Variants in CILK1 observed in about 807,000 individuals in gnomAD.
CILK1 encodes ciliogenesis associated kinase 1.
A neutral mutation model predicts 79.2 loss-of-function variants in CILK1; 47 were observed. That is an observed-to-expected ratio of 0.59 (90% CI 0.47 to 0.76). The LOEUF (loss-of-function observed/expected upper bound fraction) is 0.76. Among genes scored for constraint, CILK1 ranks in the 30% least tolerant of loss-of-function variants. The pLI, the probability that CILK1 is intolerant of heterozygous loss-of-function variation, is 0.00. For synonymous variants in CILK1, 266 were observed against 275.9 expected, an observed-to-expected ratio of 0.96 and a Z score of 0.36; for missense variants, 660 against 769.5, an observed-to-expected ratio of 0.86 and a Z score of 1.68.
chr6:53,013,301 A>T (rs531773315), intron 9 of CILK1, among the ~76,000 whole-genome samples: 1 of 152,352 alleles, frequency 6.6e-6, no homozygotes, highest in East Asian at 1.9e-4. Context: ...TACTATTATT[A>T]TCCTTATTTT....
intron 5 of CILK1, among the ~76,000 whole-genome samples, chr6:53,029,201 T>C (rs1367487510): frequency 1.3e-5 from 2 of 152,206 alleles, no homozygotes; most frequent in Non-Finnish European, 2.9e-5. Context: ...AGAATCCCAT[T>C]GAATTCTCAT....
Position 53,002,923 on chromosome 6 carries a change from C to A in CILK1, c.*2226G>T, listed in dbSNP as rs1023113488. The A allele has an allele frequency of 1.3e-5, 2 of 152,502 alleles. No homozygotes were observed. The highest frequency in any genetic ancestry group is 1.3e-4 in the Admixed American group (2 of 15,276). The allele number at this position is 152,502 out of a possible 1,614,324, so 9.4% of individuals were successfully genotyped here. A position where few individuals can be genotyped will look rare whatever the true frequency, so the allele number is the denominator to read the frequency against. On this transcript the variant is annotated 3_prime_UTR_variant, in exon 14 of 14. Coordinates refer to ENST00000676107, the MANE Select transcript of CILK1 (RefSeq NM_014920.5). ...ACTGAGACTATGGTATTAAACAATC[C>A]ATTTGCTCCTCTAAGGAATATTTAC...
intron 1 of CILK1, among the ~76,000 whole-genome samples, 197 bp from the exon 2 acceptor site, chr6:53,041,605 G>A (rs1476639467): frequency 6.6e-6 from 1 of 152,222 alleles, no homozygotes; most frequent in African/African-American, 2.4e-5. Flanking sequence ...GCAGGTTTTG[G>A]AATAATGTTG....
At chr6:53,025,112 C>T (rs1049500898) in intron 5 of CILK1, among the ~76,000 whole-genome samples, 1 of 152,104 alleles carries the variant, frequency 6.6e-6, no homozygotes, top group Non-Finnish European at 1.5e-5. Context: ...GGATTACAGG[C>T]GTGAGCCACT....
intron 1 of CILK1, among the ~76,000 whole-genome samples, chr6:53,045,831 A>C (rs1431342867): frequency 1.2e-5 from 1 of 84,182 alleles, no homozygotes; most frequent in Non-Finnish European, 2.7e-5. Context: ...TTGATTTGTC[A>C]AAAAAAAAAA....
rs1562010793 is a variant in CILK1 at position 53,016,370 on chromosome 6, A to G, written c.664-120T>C. 1.2e-5 allele frequency: 11 copies of G among 887,922 alleles called. No individual in the cohort carries two copies. The Admixed American group carries it at 2.0e-4, about 16-fold the overall frequency. 55.0% of individuals were successfully genotyped at this position (887,922 alleles called of 1,614,324 possible). On this transcript the variant is annotated intron_variant, in intron 7 of 13. Coordinates refer to ENST00000676107, the MANE Select transcript of CILK1 (RefSeq NM_014920.5). ...TGTCATTACCCACCCACATTCATTA[A>G]CCACCCACATTCACTACTGTGGCAC...
chr6:53,029,710 A>G (rs892341960), intron 5 of CILK1, among the ~76,000 whole-genome samples: 1 of 152,194 alleles, frequency 6.6e-6, no homozygotes, highest in African/African-American at 2.4e-5. Context: ...TGGGCAGCAT[A>G]TTGAGACCTT....
chr6:53,041,560 T>A (rs185423189), intron 1 of CILK1, among the ~76,000 whole-genome samples, 152 bp from the exon 2 acceptor site: 16 of 152,372 alleles, frequency 1.1e-4, no homozygotes, highest in Admixed American at 6.5e-4. Flanking sequence ...TGAATAGTTG[T>A]GTGACGCTGT....
At chr6:53,012,492 C>T (rs989638172) in intron 9 of CILK1, among the ~76,000 whole-genome samples, 3 of 152,098 alleles carry the variant, frequency 2.0e-5, no homozygotes, top group African/African-American at 7.2e-5. Context: ...TTCTTACACA[C>T]CAGGAAGATG....
chr6:53,012,225 T>C lies in CILK1; in HGVS notation c.1155A>G (p.Lys385=), dbSNP rs1764617518. ...TTTTGTGCTCCAGGCCAGCTGTGAT[T>C]TTCTGTGTAAACAAACGGGGTGGGG... The part of the protein sequence containing the change: ...PSLHNKHPQS[K]ITAGLEHKNG... The change falls in exon 10 of 14, where the codon AAA becomes AAG. Residue 385 remains lysine (K), a splice_region_variant and synonymous_variant. Coordinates refer to ENST00000676107, the MANE Select transcript of CILK1 (RefSeq NM_014920.5). 1 of 1,614,028 alleles carries C rather than the reference T, an allele frequency of 6.2e-7. No individual in the cohort carries two copies. The highest frequency in any genetic ancestry group is 1.1e-5 in the South Asian group (1 of 91,094).
intron 1 of CILK1, among the ~76,000 whole-genome samples, chr6:53,053,877 G>T (rs749735091): frequency 7.2e-5 from 11 of 152,040 alleles, no homozygotes; most frequent in Non-Finnish European, 1.5e-4. Flanking sequence ...GGCATCTCTT[G>T]GTCCTTGAGT....
chr6:53,005,146 C>G lies in CILK1; in HGVS notation c.*3G>C, dbSNP rs945101371. 3 of 1,613,994 alleles carry G rather than the reference C, an allele frequency of 1.9e-6. No individual in the cohort carries two copies. In the African/African-American group the frequency reaches 4.0e-5, roughly 22 times the overall value. ...GGAAGAGATTCATCACCAAGGCAGA[C>G]AGTCATCGCCGAGATGCGTACTTGG... On this transcript the variant is annotated 3_prime_UTR_variant, in exon 14 of 14. Transcript: ENST00000676107.
chr6:53,046,236 C>T (rs1218562298), intron 1 of CILK1, among the ~76,000 whole-genome samples: 1 of 152,194 alleles, frequency 6.6e-6, no homozygotes, highest in Non-Finnish European at 1.5e-5. Flanking sequence ...CCTTGATGAA[C>T]TATGGTGACC....
intron 1 of CILK1, among the ~76,000 whole-genome samples, chr6:53,042,423 A>C (rs1048769805): frequency 2.0e-5 from 3 of 152,242 alleles, no homozygotes; most frequent in Non-Finnish European, 4.4e-5. Flanking sequence ...CAATGTAAAC[A>C]TACAAAAGCT....
At chr6:53,020,243 G>C (rs1436296408) in intron 5 of CILK1, among the ~76,000 whole-genome samples, 2 of 152,128 alleles carry the variant, frequency 1.3e-5, no homozygotes, top group African/African-American at 4.8e-5. Context: ...GCAGGAGATA[G>C]TCAACATGGC....
intron 2 of CILK1, 53 bp downstream of exon 2, chr6:53,041,083 G>T: frequency 8.4e-7 from 1 of 1,191,762 alleles, no homozygotes; most frequent in Non-Finnish European, 1.3e-6. Flanking sequence ...ACAAAGACGG[G>T]TAATGGTGAG....
At chr6:53,016,367 T>C (rs1764896534) in intron 7 of CILK1, 117 bp from the exon 8 acceptor site, 1 of 916,772 alleles carries the variant, frequency 1.1e-6, no homozygotes, top group Non-Finnish European at 1.8e-6. Flanking sequence ...CCCACATTCA[T>C]TAACCACCCA....
At chr6:53,018,623 G>A (rs1765036661) in intron 6 of CILK1, 122 bp from the exon 7 acceptor site, 1 of 986,468 alleles carries the variant, frequency 1.0e-6, no homozygotes, top group Non-Finnish European at 1.5e-6. Flanking sequence ...TCACTGTGGT[G>A]TAATGGAATT....
intron 6 of CILK1, among the ~76,000 whole-genome samples, chr6:53,018,975 C>T (rs1320336690): frequency 6.6e-6 from 1 of 152,140 alleles, no homozygotes; most frequent in African/African-American, 2.4e-5. Context: ...TTTTGTTAAG[C>T]TGTCCTCAGG....
Sources: allele counts gnomAD v4.1 joint callset (sites outside exome capture counted in the v4.1 genomes callset), GRCh38; gene constraint gnomAD v4.1.1; transcripts MANE v1.5; gene names NCBI Gene and HGNC (gene_info 2026-07-23, HGNC 2026-07-21).